The following NSMCE2 variants were observed in gnomAD, a reference collection of about 807,000 sequenced individuals.
The protein encoded by NSMCE2 is E3 SUMO-protein ligase NSE2.
A neutral mutation model predicts 23.8 loss-of-function variants in NSMCE2; 24 were observed. The ratio of observed to expected loss-of-function variants is 1.01; its 90% confidence interval spans 0.73 to 1.42. NSMCE2 has a LOEUF of 1.42. Ranked by LOEUF, NSMCE2 falls within the 40% of genes most tolerant of loss-of-function variation. The pLI, the probability that NSMCE2 is intolerant of heterozygous loss-of-function variation, is 0.00. For synonymous variants in NSMCE2, 92 were observed against 94.1 expected, an observed-to-expected ratio of 0.98 and a Z score of 0.13; for missense variants, 284 against 296.5, an observed-to-expected ratio of 0.96 and a Z score of 0.31.
At chr8:125,252,763 C>T (rs529312969) in intron 5 of NSMCE2, among the ~76,000 whole-genome samples, 1 of 152,272 alleles carries the variant, frequency 6.6e-6, no homozygotes, top group Non-Finnish European at 1.5e-5. Flanking sequence ...TGAAAGCATA[C>T]CTTTAACTTG....
At chr8:125,315,879 G>A (rs900971824) in intron 5 of NSMCE2, among the ~76,000 whole-genome samples, 2 of 152,000 alleles carry the variant, frequency 1.3e-5, no homozygotes, top group Admixed American at 6.6e-5. Flanking sequence ...CACAGCTCAC[G>A]GCAGCTTCAA....
intron 4 of NSMCE2, among the ~76,000 whole-genome samples, chr8:125,164,329 A>C (rs1274031504): frequency 6.6e-6 from 1 of 152,182 alleles, no homozygotes; most frequent in Non-Finnish European, 1.5e-5. Flanking sequence ...CAGTGTTTTG[A>C]CATGTAATTC....
intron 5 of NSMCE2, among the ~76,000 whole-genome samples, chr8:125,288,795 T>G (rs1164944559): frequency 6.6e-6 from 1 of 152,012 alleles, no homozygotes; most frequent in Non-Finnish European, 1.5e-5. Context: ...TTTTTTAAAT[T>G]TATTTATTTT....
chr8:125,298,367 A>G (rs780128269), intron 5 of NSMCE2, among the ~76,000 whole-genome samples: 3 of 152,236 alleles, frequency 2.0e-5, no homozygotes, highest in Non-Finnish European at 2.9e-5. Context: ...CATGTACTAC[A>G]AAAATCCCCA....
chr8:125,196,053 A>T (rs932342743), intron 5 of NSMCE2, among the ~76,000 whole-genome samples: 1 of 150,998 alleles, frequency 6.6e-6, no homozygotes, highest in Non-Finnish European at 1.5e-5. Flanking sequence ...GCTGATTTTT[A>T]TATTTTTAGT....
intron 5 of NSMCE2, among the ~76,000 whole-genome samples, chr8:125,202,801 A>G (rs754083139): frequency 2.6e-5 from 4 of 152,222 alleles, no homozygotes; most frequent in Admixed American, 2.6e-4. Flanking sequence ...CAATGTTTTA[A>G]TAATTTTGTT....
At chr8:125,214,665 C>T (rs921542235) in intron 5 of NSMCE2, among the ~76,000 whole-genome samples, 1 of 152,126 alleles carries the variant, frequency 6.6e-6, no homozygotes, top group Non-Finnish European at 1.5e-5. Context: ...CCCCTACACA[C>T]CAGTTTCCCC....
At chr8:125,292,373 G>A (rs1418703708) in intron 5 of NSMCE2, among the ~76,000 whole-genome samples, 7 of 152,040 alleles carry the variant, frequency 4.6e-5, no homozygotes, top group Admixed American at 4.6e-4. Flanking sequence ...TGGCCAACAT[G>A]GTGAAACCCC....
At chr8:125,315,656 G>T (rs887069054) in intron 5 of NSMCE2, among the ~76,000 whole-genome samples, 1 of 152,182 alleles carries the variant, frequency 6.6e-6, no homozygotes, top group Non-Finnish European at 1.5e-5. Flanking sequence ...CTAAGGAAAT[G>T]TAAGAGTTTG....
chr8:125,114,375 A>G (rs1281393963), intron 3 of NSMCE2, among the ~76,000 whole-genome samples: 1 of 152,238 alleles, frequency 6.6e-6, no homozygotes, highest in Non-Finnish European at 1.5e-5. Context: ...CAATAAATGA[A>G]AGAATGTGTT....
At chr8:125,125,936 G>T (rs1269148652) in intron 3 of NSMCE2, among the ~76,000 whole-genome samples, 3 of 152,122 alleles carry the variant, frequency 2.0e-5, no homozygotes, top group Admixed American at 6.5e-5. Flanking sequence ...GGGGCTAAGG[G>T]ACCCAGATTT....
intron 5 of NSMCE2, among the ~76,000 whole-genome samples, chr8:125,354,047 T>C (rs963764332): frequency 1.3e-5 from 2 of 151,226 alleles, no homozygotes; most frequent in African/African-American, 4.9e-5. Flanking sequence ...TTCTCCTGCC[T>C]CAGCTTCCTG....
chr8:125,294,047 A>G (rs961270374), intron 5 of NSMCE2, among the ~76,000 whole-genome samples: 1 of 152,256 alleles, frequency 6.6e-6, no homozygotes, highest in Non-Finnish European at 1.5e-5. Flanking sequence ...GACGTTTCAT[A>G]TAAACATGCA....
chr8:125,104,291 G>C (rs1818347808), intron 3 of NSMCE2, among the ~76,000 whole-genome samples: 1 of 152,150 alleles, frequency 6.6e-6, no homozygotes, highest in African/African-American at 2.4e-5. Flanking sequence ...TGCCCAGCTT[G>C]TTGTCCTCTT....
chr8:125,362,831 C>T (rs1813615138), intron 7 of NSMCE2, among the ~76,000 whole-genome samples: 1 of 152,230 alleles, frequency 6.6e-6, no homozygotes, highest in African/African-American at 2.4e-5. Flanking sequence ...ATCCATCCCA[C>T]TGAAGTGAAG....
intron 4 of NSMCE2, among the ~76,000 whole-genome samples, chr8:125,163,844 G>A (rs1436328356): frequency 6.6e-6 from 1 of 152,220 alleles, no homozygotes; most frequent in Admixed American, 6.5e-5. Context: ...ATGACAGTCA[G>A]TGGTTGTGTT....
chr8:125,161,333 T>C (rs1328789419), intron 4 of NSMCE2, among the ~76,000 whole-genome samples: 1 of 152,228 alleles, frequency 6.6e-6, no homozygotes, highest in Non-Finnish European at 1.5e-5. Context: ...CAGCACTCTT[T>C]AGTGAAAATC....
chr8:125,181,518 T>C (rs1231353952), intron 4 of NSMCE2, among the ~76,000 whole-genome samples: 1 of 152,186 alleles, frequency 6.6e-6, no homozygotes, highest in Non-Finnish European at 1.5e-5. Flanking sequence ...TGAAAATTTA[T>C]AATATTGGGA....
chr8:125,171,303 TC>T (rs558718540), intron 4 of NSMCE2, among the ~76,000 whole-genome samples: 113 of 152,308 alleles, frequency 7.4e-4, no homozygotes, highest in African/African-American at 2.6e-3. Flanking sequence ...TGTTCCCAGC[TC>T]CTGGAGCAGT....
Sources: gnomAD v4.1 joint callset for allele counts (sites outside exome capture counted in the v4.1 genomes callset) on GRCh38, gnomAD v4.1.1 for gene constraint, MANE v1.5 for transcripts, NCBI Gene and HGNC (gene_info 2026-07-23, HGNC 2026-07-21) for gene names.